CDH13: variants seen among roughly 807,000 people sequenced by gnomAD.
The protein encoded by CDH13 is cadherin 13, also known as cadherin-13.
CDH13 carries 24 observed loss-of-function variants against 63.8 expected under a neutral mutation model. The ratio of observed to expected loss-of-function variants is 0.38; its 90% CI spans 0.27 to 0.53. The LOEUF is 0.53. Among genes scored for constraint, CDH13 ranks in the 20% least tolerant of loss-of-function variants. The pLI is 0.85. For missense variants in CDH13, 1,049 were observed against 903.1 expected, an observed-to-expected ratio of 1.16 and a Z score of -2.07; for synonymous variants, 503 against 355.3, an observed-to-expected ratio of 1.42 and a Z score of -4.67.
chr16:83,456,007 A>G (rs1220124925), intron 6 of CDH13, among the ~76,000 whole-genome samples: 1 of 152,198 alleles, frequency 6.6e-6, no homozygotes, highest in Non-Finnish European at 1.5e-5. Context: ...CACTGCTGTT[A>G]CCCTGCTGTC....
At chr16:83,396,087 C>T (rs1461803486) in intron 6 of CDH13, among the ~76,000 whole-genome samples, 1 of 152,122 alleles carries the variant, frequency 6.6e-6, no homozygotes, top group African/African-American at 2.4e-5. Flanking sequence ...GGATAATGGC[C>T]TCCAGTTCTG....
intron 4 of CDH13, among the ~76,000 whole-genome samples, chr16:83,159,104 T>G (rs575214408): frequency 2.6e-5 from 4 of 152,302 alleles, no homozygotes; most frequent in African/African-American, 9.6e-5. Flanking sequence ...GTCTTGTAGC[T>G]TATCTATTTT....
intron 7 of CDH13, among the ~76,000 whole-genome samples, chr16:83,493,780 A>T (rs539970578): frequency 1.3e-5 from 2 of 152,330 alleles, no homozygotes; most frequent in South Asian, 4.1e-4. Flanking sequence ...GCTCTGTTCA[A>T]CACAGCATTC....
chr16:82,973,786 A>T (rs1909109009), intron 2 of CDH13, among the ~76,000 whole-genome samples: 1 of 152,192 alleles, frequency 6.6e-6, no homozygotes, highest in Non-Finnish European at 1.5e-5. Context: ...CAAGGTGCAC[A>T]AATATGTCTT....
chr16:82,853,095 G>T (rs545618328), intron 1 of CDH13, among the ~76,000 whole-genome samples: 1 of 152,276 alleles, frequency 6.6e-6, no homozygotes, highest in Non-Finnish European at 1.5e-5. Flanking sequence ...CATACATTTA[G>T]GGTAGTGGCT....
chr16:83,470,532 A>G (rs1319908776), intron 6 of CDH13, among the ~76,000 whole-genome samples: 1 of 152,342 alleles, frequency 6.6e-6, no homozygotes, highest in African/African-American at 2.4e-5. Context: ...ATAATAGAGC[A>G]TAACATTCCA....
chr16:83,498,029 A>G (rs1449259239), intron 7 of CDH13, among the ~76,000 whole-genome samples: 1 of 152,242 alleles, frequency 6.6e-6, no homozygotes, highest in Non-Finnish European at 1.5e-5. Flanking sequence ...AATCTAGCTC[A>G]AAATTTGGTT....
intron 6 of CDH13, among the ~76,000 whole-genome samples, chr16:83,436,107 A>C (rs1472908299): frequency 6.6e-6 from 1 of 152,196 alleles, no homozygotes; most frequent in East Asian, 1.9e-4. Flanking sequence ...CACCCGTCAC[A>C]AAGAATGATT....
intron 7 of CDH13, among the ~76,000 whole-genome samples, chr16:83,518,069 G>C (rs1305521839): frequency 6.6e-6 from 1 of 152,156 alleles, no homozygotes; most frequent in Non-Finnish European, 1.5e-5. Flanking sequence ...CCTGGTGGGA[G>C]GTAATTTTAT....
At chr16:83,055,841 A>G (rs562900957) in intron 3 of CDH13, among the ~76,000 whole-genome samples, 12 of 152,300 alleles carry the variant, frequency 7.9e-5, no homozygotes, top group African/African-American at 2.6e-4. Flanking sequence ...GTATATGAGA[A>G]GGTAGATAAA....
intron 10 of CDH13, among the ~76,000 whole-genome samples, chr16:83,689,519 T>A (rs1278857808): frequency 6.6e-6 from 1 of 152,218 alleles, no homozygotes; most frequent in African/African-American, 2.4e-5. Flanking sequence ...CCACAGGCAG[T>A]GAGTCATGTA....
chr16:83,531,938 T>C (rs1401818328), intron 7 of CDH13, among the ~76,000 whole-genome samples: 1 of 152,158 alleles, frequency 6.6e-6, no homozygotes, highest in African/African-American at 2.4e-5. Flanking sequence ...CACTCAAATC[T>C]CATCTTTAAT....
chr16:83,120,582 G>A (rs968517125), intron 3 of CDH13, among the ~76,000 whole-genome samples: 1 of 152,020 alleles, frequency 6.6e-6, no homozygotes, highest in African/African-American at 2.4e-5. Flanking sequence ...TCTTTTTAAA[G>A]TGTTTCTCTA....
At chr16:83,288,593 C>G (rs749874876) in intron 5 of CDH13, among the ~76,000 whole-genome samples, 7 of 152,216 alleles carry the variant, frequency 4.6e-5, no homozygotes, top group Admixed American at 6.5e-5. Context: ...CAGGACCTCT[C>G]TGCGGTGACA....
At position 82,809,797 on chromosome 16, in the gene CDH13, C is replaced by T. The variant is rs551044551; in HGVS notation, c.46-48565C>T. Among the ~76,000 whole-genome samples the T allele has an allele frequency of 8.5e-5, 13 of 152,078 alleles. No homozygotes were observed. The South Asian group carries it at 2.5e-3, about 29-fold the overall frequency. ...TCTGAGCCGTTTCGCTAACAAGTCC[C>T]CTGATTTACCATGCCATTAACAAAA... On this transcript the variant is annotated intron_variant, in intron 1 of 13. Transcript: ENST00000567109.
chr16:83,366,673 A>G (rs914966069), intron 6 of CDH13, among the ~76,000 whole-genome samples: 1 of 152,162 alleles, frequency 6.6e-6, no homozygotes, highest in Non-Finnish European at 1.5e-5. Flanking sequence ...CACCTAGAAC[A>G]CATGTGTTGG....
At chr16:83,528,480 C>T (rs1008691817) in intron 7 of CDH13, among the ~76,000 whole-genome samples, 1 of 152,170 alleles carries the variant, frequency 6.6e-6, no homozygotes, top group Non-Finnish European at 1.5e-5. Flanking sequence ...CCATGAGGCT[C>T]ATTCTCAGGG....
At chr16:83,157,080 C>G (rs7193700) in intron 4 of CDH13, among the ~76,000 whole-genome samples, 30,029 of 152,152 alleles carry the variant, frequency 0.2, 2,983 homozygotes, top group South Asian at 0.31. Flanking sequence ...ACTGTACTTT[C>G]AAAATGCTGT....
rs760131685 is a variant in CDH13, at chr16:83,032,193, G to A, written c.341G>A (p.Gly114Glu). ...ATGGCAGAACTCGTGATTGTCGGGG[G>A]GAAAGACATCCAGGGCTCCTTGCAG... ...EDMAELVIVGGKDIQGSLQDI... is the reference protein window; with the variant it reads ...EDMAELVIVGEKDIQGSLQDI... The change falls in exon 3 of 14, where the codon GGG (glycine) becomes GAG (glutamate). Residue 114 changes from glycine to glutamate, a missense_variant. Transcript: ENST00000567109. The A allele has an allele frequency of 1.9e-6, 3 of 1,613,460 alleles. No homozygotes were observed. The highest frequency in any genetic ancestry group is 2.2e-5 in the East Asian group (1 of 44,836).
Sources: allele counts gnomAD v4.1 joint callset (sites outside exome capture counted in the v4.1 genomes callset), GRCh38; gene constraint gnomAD v4.1.1; transcripts MANE v1.5; gene names NCBI Gene and HGNC (gene_info 2026-07-23, HGNC 2026-07-21).